SP9: variants seen among roughly 807,000 people sequenced by gnomAD.
SP9 encodes Sp9 transcription factor.
SP9 carries 5 observed loss-of-function variants against 23.0 expected under a neutral mutation model. The observed-to-expected ratio is 0.22, with a 90% CI of 0.11 to 0.46. The LOEUF (loss-of-function observed/expected upper bound fraction) is 0.46, where lower values mean the gene tolerates loss of function less well. Ranked by LOEUF, SP9 falls within the 20% of genes least tolerant of loss-of-function variation. SP9 has a pLI of 0.99. For missense variants in SP9, 542 were observed against 724.0 expected (o/e 0.75, Z 2.88); for synonymous variants, 360 against 356.5 (o/e 1.01, Z -0.11).
rs1050079730 is a variant in SP9 at position 174,337,458 on chromosome 2, C to A, written c.1373C>A (p.Ala458Glu). 36 of 1,196,018 alleles carry A rather than the reference C, an allele frequency of 3.0e-5. No individual in the cohort carries two copies. Among genetic ancestry groups the A allele is most frequent in the Non-Finnish European group, 3.5e-5 (33 of 941,626 alleles). The allele number at this position is 1,196,018 out of a possible 1,614,324, so 74.1% of individuals were successfully genotyped here. A position where few individuals can be genotyped will look rare whatever the true frequency, so the allele number is the denominator to read the frequency against. ...SGVSAARAAA[A>E]AAAAAAAAAA... ...GTCAGTGCCGCCCGGGCGGCGGCAG[C>A]GGCGGCGGCGGCAGCGGCGGCGGCG... Residue 458 changes from alanine to glutamate, a missense_variant, in exon 2 of 2, where the codon GCG becomes GAG. Coordinates refer to ENST00000394967, the MANE Select transcript of SP9 (RefSeq NM_001145250.2).
Position 174,337,512 on chromosome 2 carries a change from A to C in SP9, c.1427A>C (p.Glu476Ala). 8.5e-7 allele frequency: 1 copy of C among 1,179,810 alleles called. No homozygotes were observed. Among genetic ancestry groups the C allele is most frequent in the Non-Finnish European group, 1.1e-6 (1 of 951,380 alleles). The allele number at this position is 1,179,810 out of a possible 1,614,324, so 73.1% of individuals were successfully genotyped here. A position where few individuals can be genotyped will look rare whatever the true frequency, so the allele number is the denominator to read the frequency against. Residue 476 changes from glutamate to alanine, a missense_variant, in exon 2 of 2, where the codon GAA (glutamate) becomes GCA (alanine). Coordinates refer to ENST00000394967, the MANE Select transcript of SP9 (RefSeq NM_001145250.2). ...AAAAASAGGK[E>A]AASGPNDS ...GCGGCGGCCTCCGCGGGAGGCAAGG[A>C]AGCAGCGTCTGGCCCCAACGACTCT...
rs781480882 is a variant in SP9, at chr2:174,337,078, G to A, written c.993G>A (p.Leu331=). The stretch of plus-strand genomic sequence containing the variant: ...GGGCGAGCCTGCGGCGCAAGGGCCT[G>A]CACAGCTGCCACATTCCGGGCTGCG... ...PAGASLRRKG[L]HSCHIPGCGK... Residue 331 remains leucine, a synonymous_variant, in exon 2 of 2, where the codon CTG becomes CTA. Coordinates refer to ENST00000394967, the MANE Select transcript of SP9 (RefSeq NM_001145250.2). The A allele has an allele frequency of 3.2e-6, 5 of 1,580,134 alleles. No homozygotes were observed. The highest frequency in any genetic ancestry group is 4.3e-6 in the Non-Finnish European group (5 of 1,167,332).
chr2:174,335,681 C>G (rs1057476665), intron 1 of SP9: 1 of 189,184 alleles, frequency 5.3e-6, no homozygotes, highest in Non-Finnish European at 1.1e-5. Flanking sequence ...TCGCCCGTCC[C>G]TGGCAGCTGT....
Position 174,338,121 on chromosome 2 carries a change from C to CT in SP9, c.*587dup, listed in dbSNP as rs1574614605. 6.6e-6 allele frequency: 1 copy of CT among 152,160 alleles called. No individual in the cohort carries two copies. Among genetic ancestry groups the CT allele is most frequent in the Non-Finnish European group, 1.5e-5 (1 of 68,034 alleles). 9.4% of individuals were successfully genotyped at this position (152,160 alleles called of 1,614,324 possible). ...TGCCTGATATCTACTTACAATGAGA[C>CT]TTTTTTCCTAAAAAAGGAAGCATCA... is the stretch of plus-strand genomic sequence containing the variant. On this transcript the variant is annotated 3_prime_UTR_variant, in exon 2 of 2. Coordinates refer to ENST00000394967, the MANE Select transcript of SP9 (RefSeq NM_001145250.2).
intron 1 of SP9, chr2:174,335,822 T>G: frequency 4.7e-6 from 2 of 425,848 alleles, no homozygotes; most frequent in Non-Finnish European, 8.4e-6. Flanking sequence ...CCAAGTCCGG[T>G]TGTAGGCAGG....
chr2:174,337,135 G>A lies in SP9; in HGVS notation c.1050G>A (p.Lys350=), dbSNP rs1189171927. The stretch of plus-strand genomic sequence containing the variant: ...TGTACGGGAAGACGTCGCACCTGAA[G>A]GCGCACCTGCGCTGGCACACGGGCG... ...GKVYGKTSHL[K]AHLRWHTGER... The change falls in exon 2 of 2, where the codon AAG becomes AAA. Residue 350 remains lysine (K), a synonymous_variant. Transcript: ENST00000394967. 1.9e-6 allele frequency: 3 copies of A among 1,607,398 alleles called. No homozygotes were observed. The highest frequency in any genetic ancestry group is 2.5e-6 in the Non-Finnish European group (3 of 1,177,726).
chr2:174,336,778 CT>C lies in SP9; in HGVS notation c.695del (p.Phe232SerfsTer51). The C allele has an allele frequency of 6.5e-7, 1 of 1,532,378 alleles. No homozygotes were observed. The highest frequency in any genetic ancestry group is 2.5e-5 in the East Asian group (1 of 40,416). 94.9% of individuals were successfully genotyped at this position (1,532,378 alleles called of 1,614,324 possible). A position where few individuals can be genotyped will look rare whatever the true frequency, so the allele number is the denominator to read the frequency against. ...PDFSSLTHSA[F>X]SSTGLGSSAA... ...ACTTCAGCTCGCTCACGCACTCCGC[CT>C]TCAGCTCCACGGGCCTCGGCTCCTC... On this transcript the variant is annotated frameshift_variant, in exon 2 of 2. Transcript: ENST00000394967. LOFTEE classifies it high-confidence loss of function.
rs1684381435 is a variant in SP9 at position 174,334,999 on chromosome 2, G to C, written c.-94G>C. On this transcript the variant is annotated 5_prime_UTR_variant, in exon 1 of 2. Coordinates refer to ENST00000394967, the MANE Select transcript of SP9 (RefSeq NM_001145250.2). ...TGGAGTCCGCTCGGCACGAGCGCGG[G>C]GACGCGGGAGCCGCGCGGGACCCAA... The C allele has an allele frequency of 7.0e-7, 1 of 1,431,442 alleles. No individual in the cohort carries two copies. Among genetic ancestry groups the C allele is most frequent in the African/African-American group, 1.4e-5 (1 of 70,504 alleles). 88.7% of individuals were successfully genotyped at this position (1,431,442 alleles called of 1,614,324 possible). A position where few individuals can be genotyped will look rare whatever the true frequency, so the allele number is the denominator to read the frequency against.
intron 1 of SP9, 159 bp from the exon 2 acceptor site, chr2:174,335,948 T>G: frequency 3.0e-6 from 2 of 665,324 alleles, no homozygotes; most frequent in Non-Finnish European, 5.0e-6. Context: ...GTGCGGCGAC[T>G]CCTCCGCGGG....
In SP9 at chr2:174,337,683, G is replaced by A. The variant is rs548959391; in HGVS notation, c.*143G>A. The A allele has an allele frequency of 1.4e-3, 1,340 of 986,112 alleles. 12 individuals are homozygous for A. The African/African-American group carries it at 0.022, about 16-fold the overall frequency. The allele number at this position is 986,112 out of a possible 1,614,324, so 61.1% of individuals were successfully genotyped here. ...CCCGGGCTGGGCGCGAGGTGGAGCC[G>A]CTCAGGGCTCCCGGGCTGCGGTTCG... On this transcript the variant is annotated 3_prime_UTR_variant, in exon 2 of 2. Coordinates refer to ENST00000394967, the MANE Select transcript of SP9 (RefSeq NM_001145250.2).
Position 174,337,704 on chromosome 2 carries a change from G to C in SP9, c.*164G>C. ...AGCCGCTCAGGGCTCCCGGGCTGCGGTTCGCCCGCTGTGCGAGGAGCTCCC... is the reference window on the plus strand; with the variant it reads ...AGCCGCTCAGGGCTCCCGGGCTGCGCTTCGCCCGCTGTGCGAGGAGCTCCC... On this transcript the variant is annotated 3_prime_UTR_variant, in exon 2 of 2. Coordinates refer to ENST00000394967, the MANE Select transcript of SP9 (RefSeq NM_001145250.2). The C allele has an allele frequency of 1.1e-6, 1 of 910,658 alleles. No individual in the cohort carries two copies. Among genetic ancestry groups the C allele is most frequent in the Non-Finnish European group, 1.3e-6 (1 of 746,240 alleles). 56.4% of individuals were successfully genotyped at this position (910,658 alleles called of 1,614,324 possible).
intron 1 of SP9, 119 bp downstream of exon 1, chr2:174,335,232 AT>A: frequency 8.7e-7 from 1 of 1,147,012 alleles, no homozygotes; most frequent in Non-Finnish European, 1.3e-6. Context: ...TTCAGCTTCT[AT>A]TAGCACTTTC....
chr2:174,336,118 C>A lies in SP9; in HGVS notation c.33C>A (p.Arg11=), dbSNP rs1471710188. The change falls in exon 2 of 2, where the codon CGC becomes CGA. Residue 11 remains arginine (R), a synonymous_variant. Coordinates refer to ENST00000394967, the MANE Select transcript of SP9 (RefSeq NM_001145250.2). ...CCCACCCACTCTAGGAAGAGCCGCGCTTCGGAACGACCCCGTTGGCCATGC... is the reference window on the plus strand; with the variant it reads ...CCCACCCACTCTAGGAAGAGCCGCGATTCGGAACGACCCCGTTGGCCATGC... The part of the protein sequence containing the change: MATSILGEEP[R]FGTTPLAMLA... 2 of 1,550,464 alleles carry A rather than the reference C, an allele frequency of 1.3e-6. No homozygotes were observed. Among genetic ancestry groups the A allele is most frequent in the Admixed American group, 3.9e-5 (2 of 50,982 alleles).
rs1183941868 is a variant in SP9 at position 174,336,859 on chromosome 2, C to G, written c.774C>G (p.Asp258Glu). The G allele has an allele frequency of 1.3e-6, 2 of 1,521,838 alleles. No individual in the cohort carries two copies. The highest frequency in any genetic ancestry group is 2.4e-5 in the South Asian group (2 of 82,550). The allele number at this position is 1,521,838 out of a possible 1,614,324, so 94.3% of individuals were successfully genotyped here. A position where few individuals can be genotyped will look rare whatever the true frequency, so the allele number is the denominator to read the frequency against. The change falls in exon 2 of 2, where the codon GAC becomes GAG. Residue 258 changes from aspartate to glutamate, a missense_variant. By Grantham distance (45) the Asp-to-Glu change is conservative (BLOSUM62 2). Transcript: ENST00000394967. ...LSTSQHLLAQ[D>E]GFKPVLPSYS... ...CCAGCCAGCACCTGCTGGCCCAGGA[C>G]GGCTTCAAGCCGGTGTTGCCCTCCT...
intron 1 of SP9, 49 bp from the exon 2 acceptor site, chr2:174,336,058 C>A: frequency 6.6e-7 from 1 of 1,524,598 alleles, no homozygotes; most frequent in Non-Finnish European, 8.9e-7. Context: ...TCCCCCACTT[C>A]CTCTTGCCCT....
intron 1 of SP9, 161 bp from the exon 2 acceptor site, chr2:174,335,946 A>G (rs1390100527): frequency 4.6e-6 from 3 of 649,220 alleles, no homozygotes; most frequent in East Asian, 3.1e-5. Flanking sequence ...CGGTGCGGCG[A>G]CTCCTCCGCG....
intron 1 of SP9, 54 bp from the exon 2 acceptor site, chr2:174,336,053 C>A (rs765983684): frequency 1.3e-6 from 2 of 1,512,038 alleles, no homozygotes; most frequent in Admixed American, 4.0e-5. Context: ...TTTCTTCCCC[C>A]ACTTCCTCTT....
chr2:174,337,459 GGCGGCGGCGGCA>G lies in SP9; in HGVS notation c.1386_1397del (p.Ala467_Ala470del), dbSNP rs889377194. 141 of 1,194,616 alleles carry G rather than the reference GGCGGCGGCGGCA, an allele frequency of 1.2e-4. 7 individuals are homozygous for G. The highest frequency in any genetic ancestry group is 2.8e-4 in the African/African-American group (17 of 61,280). The allele number at this position is 1,194,616 out of a possible 1,614,324, so 74.0% of individuals were successfully genotyped here. Reference sequence around the variant, plus strand: ...TCAGTGCCGCCCGGGCGGCGGCAGCGGCGGCGGCGGCAGCGGCGGCGGCGGCGGCGGCGGCCT... The same window carrying G: ...TCAGTGCCGCCCGGGCGGCGGCAGCGGCGGCGGCGGCGGCGGCGGCGGCCT... On this transcript the variant is annotated inframe_deletion, in exon 2 of 2. Transcript: ENST00000394967.
chr2:174,336,702 C>T lies in SP9; in HGVS notation c.617C>T (p.Ser206Leu). The T allele has an allele frequency of 6.6e-7, 1 of 1,523,012 alleles. No individual in the cohort carries two copies. The highest frequency in any genetic ancestry group is 8.8e-7 in the Non-Finnish European group (1 of 1,141,384). 94.3% of individuals were successfully genotyped at this position (1,523,012 alleles called of 1,614,324 possible). A position where few individuals can be genotyped will look rare whatever the true frequency, so the allele number is the denominator to read the frequency against. The change falls in exon 2 of 2, where the codon TCG becomes TTG. Residue 206 changes from serine (S) to leucine (L), a missense_variant. By Grantham distance (145) the Ser-to-Leu change is moderately radical. Coordinates refer to ENST00000394967, the MANE Select transcript of SP9 (RefSeq NM_001145250.2). ...PAGGLQSSLH[S>L]GAPQASLHSQ... is the part of the protein sequence containing the mutation. ...GGGGGGCTCCAGAGCTCGCTGCACT[C>T]GGGCGCCCCCCAGGCCTCGCTGCAC...
Sources: gnomAD v4.1 joint callset for allele counts on GRCh38, gnomAD v4.1.1 for gene constraint, MANE v1.5 for transcripts, NCBI Gene and HGNC (gene_info 2026-07-23, HGNC 2026-07-21) for gene names.